TECPR2: variants seen among roughly 807,000 people sequenced by gnomAD.
The protein encoded by TECPR2 is tectonin beta-propeller repeat-containing protein 2.
Under a neutral mutation model 138.1 loss-of-function variants are expected in TECPR2, and 65 were observed. The ratio of observed to expected loss-of-function variants is 0.47; its 90% CI spans 0.39 to 0.58. The LOEUF is 0.58. Among genes scored for constraint, TECPR2 ranks in the 20% least tolerant of loss-of-function variants. The pLI, the probability that TECPR2 is intolerant of heterozygous loss-of-function variation, is 0.00. For missense variants in TECPR2, 1,553 were observed against 1,824.5 expected (o/e 0.85, Z 2.71); for synonymous variants, 746 against 749.8 (o/e 0.99, Z 0.08).
chr14:102,467,378 G>T (rs553594118), intron 17 of TECPR2, among the ~76,000 whole-genome samples: 1 of 140,150 alleles, frequency 7.1e-6, no homozygotes, highest in African/African-American at 2.8e-5. Flanking sequence ...AGTCTGGAGT[G>T]CAATGGCGCC....
chr14:102,484,847 A>G (rs1890986460), intron 17 of TECPR2, among the ~76,000 whole-genome samples: 1 of 152,074 alleles, frequency 6.6e-6, no homozygotes, highest in Non-Finnish European at 1.5e-5. Flanking sequence ...TGGTAGAGAC[A>G]GGGTTTCGCC....
intron 2 of TECPR2, among the ~76,000 whole-genome samples, chr14:102,382,618 A>G (rs975185609): frequency 6.6e-6 from 1 of 152,230 alleles, no homozygotes; most frequent in African/African-American, 2.4e-5. Flanking sequence ...GCAAGTGCAC[A>G]TGGAACATTC....
At chr14:102,374,613 T>C (rs536769474) in intron 1 of TECPR2, among the ~76,000 whole-genome samples, 4 of 152,272 alleles carry the variant, frequency 2.6e-5, no homozygotes, top group African/African-American at 7.2e-5. Flanking sequence ...AAATGAAATA[T>C]TTGTTTTAAA....
chr14:102,466,629 T>G lies in TECPR2; in HGVS notation c.3789+1340T>G, dbSNP rs1443054853. ...CACCACTGTCAATACGTTCCTTTTT[T>G]TCCTTCTAACAACTTTATATTTTTC... On this transcript the variant is annotated intron_variant, in intron 17 of 19. Transcript: ENST00000359520. Among the ~76,000 whole-genome samples, 3 of 152,224 alleles carry G rather than the reference T, an allele frequency of 2.0e-5. No homozygotes were observed. In the East Asian group the frequency reaches 5.8e-4, roughly 29 times the overall value.
Position 102,408,476 on chromosome 14 carries a change from C to G in TECPR2, c.349-12C>G. On this transcript the variant is annotated splice_polypyrimidine_tract_variant and intron_variant, in intron 3 of 19. Coordinates refer to ENST00000359520, the MANE Select transcript of TECPR2 (RefSeq NM_014844.5). ...TTTTTTTCTTGTGTATATTTTTATCCCTTGTTCATAGCTTCGGAGATTTGA... is the reference window on the plus strand; with the variant it reads ...TTTTTTTCTTGTGTATATTTTTATCGCTTGTTCATAGCTTCGGAGATTTGA... The G allele has an allele frequency of 6.3e-7, 1 of 1,592,468 alleles. No homozygotes were observed. Among genetic ancestry groups the G allele is most frequent in the Non-Finnish European group, 8.5e-7 (1 of 1,173,950 alleles).
intron 9 of TECPR2, 140 bp downstream of exon 9, chr14:102,435,351 T>C (rs2139732420): frequency 7.7e-7 from 1 of 1,304,570 alleles, no homozygotes. Context: ...TGTTTTCAAG[T>C]CTGGGTTTCA....
intron 5 of TECPR2, among the ~76,000 whole-genome samples, chr14:102,417,592 G>T (rs1487741220): frequency 6.6e-6 from 1 of 152,218 alleles, no homozygotes; most frequent in East Asian, 1.9e-4. Flanking sequence ...GGGAAGAGCT[G>T]CTGGAAGAGC....
chr14:102,449,986 T>G (rs1044957253), intron 14 of TECPR2, 117 bp downstream of exon 14: 12 of 1,472,444 alleles, frequency 8.1e-6, no homozygotes, highest in Non-Finnish European at 1.1e-5. Context: ...GCCAGTGGTA[T>G]GAAGTGTCTA....
At chr14:102,406,277 G>A (rs189702683) in intron 2 of TECPR2, among the ~76,000 whole-genome samples, 1 of 152,024 alleles carries the variant, frequency 6.6e-6, no homozygotes, top group African/African-American at 2.4e-5. Flanking sequence ...GGCTGGGCAT[G>A]GTGGCCCACA....
chr14:102,411,699 CAAAAAA>C (rs1173849759), intron 4 of TECPR2, among the ~76,000 whole-genome samples: 40 of 46,854 alleles, frequency 8.5e-4, no homozygotes, highest in Admixed American at 3.9e-3. Flanking sequence ...CCATGTTGCT[CAAAAAA>C]AAAAAAAAAA....
chr14:102,450,590 G>A lies in TECPR2; in HGVS notation c.3347G>A (p.Gly1116Glu). Residue 1116 changes from glycine to glutamate, a missense_variant, in exon 15 of 20, where the codon GGG becomes GAG. Coordinates refer to ENST00000359520, the MANE Select transcript of TECPR2 (RefSeq NM_014844.5). ...TACTGGAATCATGTGGTTCCCCGTGGGACAGCTTCTGCTACAAAATGGGCC... is the reference window on the plus strand; with the variant it reads ...TACTGGAATCATGTGGTTCCCCGTGAGACAGCTTCTGCTACAAAATGGGCC... ...GTYWNHVVPRGTASATKWAFV... is the reference protein window; with the variant it reads ...GTYWNHVVPRETASATKWAFV... 1 of 1,614,124 alleles carries A rather than the reference G, an allele frequency of 6.2e-7. No homozygotes were observed. Among genetic ancestry groups the A allele is most frequent in the East Asian group, 2.2e-5 (1 of 44,878 alleles).
chr14:102,468,658 T>C (rs1000531433), intron 17 of TECPR2, among the ~76,000 whole-genome samples: 1 of 152,258 alleles, frequency 6.6e-6, no homozygotes, highest in Non-Finnish European at 1.5e-5. Context: ...AATTTTTTCT[T>C]CATTTGCTTC....
intron 17 of TECPR2, among the ~76,000 whole-genome samples, chr14:102,467,204 A>T (rs1317270964): frequency 6.6e-6 from 1 of 152,040 alleles, no homozygotes; most frequent in Non-Finnish European, 1.5e-5. Flanking sequence ...ATTGCAGGTC[A>T]TGTGGCGATT....
At chr14:102,426,025 C>T (rs1567335307) in intron 6 of TECPR2, among the ~76,000 whole-genome samples, 1 of 151,494 alleles carries the variant, frequency 6.6e-6, no homozygotes, top group Non-Finnish European at 1.5e-5. Flanking sequence ...GCTGGGATTA[C>T]AGGTGCGCAC....
chr14:102,367,702 G>A (rs1256933302), intron 1 of TECPR2, among the ~76,000 whole-genome samples: 2 of 152,086 alleles, frequency 1.3e-5, no homozygotes, highest in Non-Finnish European at 2.9e-5. Flanking sequence ...TATGAGTGGT[G>A]ATATTATGAA....
At chr14:102,383,989 C>T (rs566597795) in intron 2 of TECPR2, among the ~76,000 whole-genome samples, 6 of 150,552 alleles carry the variant, frequency 4.0e-5, no homozygotes, top group East Asian at 3.9e-4. Context: ...GGCGCAACCT[C>T]GGCTCACTGC....
intron 19 of TECPR2, 73 bp from the exon 20 acceptor site, chr14:102,498,030 C>CTCCCAGCTCCATCTGTGCCCAAGA: frequency 1.9e-6 from 3 of 1,562,942 alleles, no homozygotes; most frequent in Admixed American, 1.8e-5. Flanking sequence ...TGCGCCCAAG[C>CTCCCAGCTCCATCTGTGCCCAAGA]TCCCAGCTCC....
chr14:102,495,739 C>G (rs1033581834), intron 17 of TECPR2, among the ~76,000 whole-genome samples: 13 of 152,266 alleles, frequency 8.5e-5, no homozygotes, highest in Admixed American at 7.9e-4. Context: ...CCTCCATGTC[C>G]TGATCCACTG....
intron 5 of TECPR2, among the ~76,000 whole-genome samples, chr14:102,418,075 C>T (rs1032401658): frequency 1.3e-5 from 2 of 152,066 alleles, no homozygotes; most frequent in African/African-American, 2.4e-5. Context: ...AGGGGTTTGA[C>T]GGGCCTGTCA....
Sources: gnomAD v4.1 joint callset for allele counts (sites outside exome capture counted in the v4.1 genomes callset) on GRCh38, gnomAD v4.1.1 for gene constraint, MANE v1.5 for transcripts, NCBI Gene and HGNC (gene_info 2026-07-23, HGNC 2026-07-21) for gene names.